The following NAV3 variants were observed in gnomAD, a reference collection of about 807,000 sequenced individuals.
NAV3 encodes the protein pore membrane and/or filament interacting like protein 1.
A neutral mutation model predicts 244.7 loss-of-function variants in NAV3; 87 were observed. That is an observed-to-expected ratio of 0.36 (90% CI 0.30 to 0.42). The LOEUF (loss-of-function observed/expected upper bound fraction) is 0.42, where lower values mean the gene tolerates loss of function less well. Ranked by LOEUF, NAV3 falls within the 20% of genes least tolerant of loss-of-function variation. The pLI is 1.00. For missense variants in NAV3, 2,663 were observed against 2,893.3 expected (o/e 0.92, Z 1.83); for synonymous variants, 1,126 against 1,042.2 (o/e 1.08, Z -1.55).
At chr12:77,614,557 C>A (rs1292473968) in intron 2 of NAV3, among the ~76,000 whole-genome samples, 1 of 152,142 alleles carries the variant, frequency 6.6e-6, no homozygotes, top group Non-Finnish European at 1.5e-5. Flanking sequence ...TGAGCAGGCA[C>A]TGTCCTATGC....
intron 2 of NAV3, among the ~76,000 whole-genome samples, chr12:77,681,756 T>G (rs1041739575): frequency 6.6e-6 from 1 of 152,224 alleles, no homozygotes; most frequent in East Asian, 1.9e-4. Context: ...CTCATGTAAC[T>G]AACATCAACC....
intron 3 of NAV3, among the ~76,000 whole-genome samples, chr12:77,963,106 T>C (rs542676250): frequency 1.4e-4 from 22 of 152,260 alleles, no homozygotes; most frequent in African/African-American, 4.6e-4. Flanking sequence ...AAATAACTTT[T>C]ATCTGTTTGT....
chr12:78,102,273 G>A (rs761838958), intron 12 of NAV3, among the ~76,000 whole-genome samples: 4 of 152,130 alleles, frequency 2.6e-5, no homozygotes, highest in Non-Finnish European at 5.9e-5. Flanking sequence ...GGGTTACAGG[G>A]CATGCAATTC....
chr12:77,950,774 A>T (rs1890796438), intron 3 of NAV3: 1 of 152,202 alleles, frequency 6.6e-6, no homozygotes, highest in Non-Finnish European at 1.5e-5. Flanking sequence ...CACATCTACA[A>T]CCATGTGATC....
At chr12:78,164,309 G>A (rs420615) in intron 23 of NAV3, among the ~76,000 whole-genome samples, 6,960 of 152,094 alleles carry the variant, frequency 0.046, 194 homozygotes, top group Non-Finnish European at 0.072. Flanking sequence ...ATGAAGCTCA[G>A]ATATTGACTC....
intron 2 of NAV3, among the ~76,000 whole-genome samples, chr12:77,806,290 C>T (rs1406806140): frequency 6.6e-6 from 1 of 152,152 alleles, no homozygotes. Flanking sequence ...CCTGCTTTCT[C>T]CTGGGTGCAT....
chr12:77,675,292 T>G (rs1874157302), intron 2 of NAV3, among the ~76,000 whole-genome samples: 1 of 152,190 alleles, frequency 6.6e-6, no homozygotes, highest in South Asian at 2.1e-4. Context: ...TTGGCTTACA[T>G]GATTGTGGGG....
At chr12:77,963,196 G>A (rs1892182097) in intron 3 of NAV3, among the ~76,000 whole-genome samples, 1 of 152,052 alleles carries the variant, frequency 6.6e-6, no homozygotes, top group African/African-American at 2.4e-5. Flanking sequence ...AACAGTGTTT[G>A]TACTAGGTCT....
chr12:78,081,164 A>G (rs925445154), intron 12 of NAV3, among the ~76,000 whole-genome samples: 3 of 152,166 alleles, frequency 2.0e-5, no homozygotes, highest in African/African-American at 7.2e-5. Context: ...TATTGTTATA[A>G]CACCTCTAGC....
intron 38 of NAV3, among the ~76,000 whole-genome samples, chr12:78,203,708 C>T (rs945701230): frequency 6.6e-6 from 1 of 152,062 alleles, no homozygotes; most frequent in African/African-American, 2.4e-5. Flanking sequence ...CAAATAGGCA[C>T]CTACTAACCA....
chr12:77,620,730 G>A (rs941157423), intron 2 of NAV3, among the ~76,000 whole-genome samples: 1 of 152,118 alleles, frequency 6.6e-6, no homozygotes, highest in Non-Finnish European at 1.5e-5. Context: ...CCAAAGTGCT[G>A]GGATTGCAGG....
chr12:77,860,087 G>T (rs1337258980), intron 1 of NAV3, among the ~76,000 whole-genome samples: 1 of 151,852 alleles, frequency 6.6e-6, no homozygotes, highest in Non-Finnish European at 1.5e-5. Context: ...GCAAAGGGAA[G>T]AATATTGTAA....
At chr12:77,672,909 G>A (rs1409362988) in intron 2 of NAV3, among the ~76,000 whole-genome samples, 2 of 152,162 alleles carry the variant, frequency 1.3e-5, no homozygotes, top group Non-Finnish European at 2.9e-5. Context: ...TTGAAGGATA[G>A]TAAGAGATGA....
At chr12:77,644,255 G>A (rs1491052) in intron 2 of NAV3, among the ~76,000 whole-genome samples, 1 of 151,908 alleles carries the variant, frequency 6.6e-6, no homozygotes, top group Non-Finnish European at 1.5e-5. Flanking sequence ...AGAGGTTCCC[G>A]AGATGTTAGA....
At chr12:77,798,565 A>G (rs1871545295) in intron 2 of NAV3, among the ~76,000 whole-genome samples, 1 of 141,072 alleles carries the variant, frequency 7.1e-6, no homozygotes, top group Non-Finnish European at 1.6e-5. Context: ...TAATAGTAAA[A>G]CTTCTTTTAT....
intron 2 of NAV3, among the ~76,000 whole-genome samples, chr12:77,679,407 C>T (rs1874349305): frequency 6.6e-6 from 1 of 152,038 alleles, no homozygotes; most frequent in Admixed American, 6.6e-5. Flanking sequence ...AGTTTGATGC[C>T]ATTCACGGAA....
chr12:78,047,020 T>C (rs931421807), intron 9 of NAV3, among the ~76,000 whole-genome samples: 1 of 152,198 alleles, frequency 6.6e-6, no homozygotes, highest in African/African-American at 2.4e-5. Context: ...TTTGCTGGTT[T>C]AAAGTCTGTT....
At chr12:78,148,765 TG>T (rs1956961520) in intron 21 of NAV3, 76 bp from the exon 22 acceptor site, 1 of 1,314,494 alleles carries the variant, frequency 7.6e-7, no homozygotes, top group Admixed American at 1.9e-5. Context: ...ATACAGCATT[TG>T]CTTTCTTGGT....
intron 2 of NAV3, among the ~76,000 whole-genome samples, chr12:77,696,241 G>A (rs1875291789): frequency 6.6e-6 from 1 of 152,108 alleles, no homozygotes; most frequent in Non-Finnish European, 1.5e-5. Context: ...ATAGAATATG[G>A]CAAAGGGGAC....
Sources: allele counts gnomAD v4.1 joint callset (sites outside exome capture counted in the v4.1 genomes callset), GRCh38; gene constraint gnomAD v4.1.1; transcripts MANE v1.5; gene names NCBI Gene and HGNC (gene_info 2026-07-23, HGNC 2026-07-21).